The following SPDYE18 variants were observed in gnomAD, a reference collection of about 807,000 sequenced individuals.
SPDYE18 encodes the protein speedy/RINGO cell cycle regulator family member E18.
In SPDYE18, 6 loss-of-function variants were observed where a neutral mutation model predicts 44.9. That is an observed-to-expected ratio of 0.13 (90% CI 0.07 to 0.26). SPDYE18 has a LOEUF of 0.26. Ranked by LOEUF, SPDYE18 falls within the 10% of genes least tolerant of loss-of-function variation. The pLI is 1.00. For missense variants in SPDYE18, 121 were observed against 463.2 expected (o/e 0.26, Z 6.78); for synonymous variants, 35 against 177.1 (o/e 0.20, Z 6.37).
At chr7:77,054,662 G>C (rs1179037031) in intron 6 of SPDYE18, among the ~76,000 whole-genome samples, 1 of 152,202 alleles carries the variant, frequency 6.6e-6, no homozygotes, top group African/African-American at 2.4e-5. Flanking sequence ...TGGAGGAAGC[G>C]GCATGTCCGC....
chr7:77,062,300 A>G (rs1790030977), intron 1 of SPDYE18, among the ~76,000 whole-genome samples, 196 bp downstream of exon 1: 1 of 146,920 alleles, frequency 6.8e-6, no homozygotes, highest in Non-Finnish European at 1.5e-5. Flanking sequence ...ATTCGCATTC[A>G]TGACGCTTTA....
At chr7:77,057,062 TTTTG>T (rs1344171345) in intron 4 of SPDYE18, among the ~76,000 whole-genome samples, 6 of 152,400 alleles carry the variant, frequency 3.9e-5, no homozygotes, top group South Asian at 4.1e-4. Context: ...TGTTTATTGA[TTTTG>T]TTTTTCTTGA....
At chr7:77,059,682 G>C (rs1462099732) in intron 2 of SPDYE18, among the ~76,000 whole-genome samples, 11 of 151,054 alleles carry the variant, frequency 7.3e-5, no homozygotes, top group East Asian at 2.0e-4. Flanking sequence ...CAGAATCTTG[G>C]TTTGTCACCC....
Position 77,060,899 on chromosome 7 carries a change from C to T in SPDYE18, c.-387G>A, listed in dbSNP as rs1386400105. Among the ~76,000 whole-genome samples the T allele has an allele frequency of 6.6e-6, 1 of 151,636 alleles. No homozygotes were observed. Among genetic ancestry groups the T allele is most frequent in the East Asian group, 1.9e-4 (1 of 5,154 alleles). On this transcript the variant is annotated 5_prime_UTR_variant, in exon 2 of 9. Coordinates refer to ENST00000510091, the MANE Select transcript of SPDYE18 (RefSeq NM_001394953.1). The stretch of plus-strand genomic sequence containing the variant: ...CAAAGCCTGAAGCATGTTGGGGTCT[C>T]TTCATCTCTGTACATGCCCATTTCA...
rs1238608469 is a variant in SPDYE18 at position 77,050,659 on chromosome 7, TA to T, written c.*1265del. Among the ~76,000 whole-genome samples, 1 of 152,148 alleles carries T rather than the reference TA, an allele frequency of 6.6e-6. No individual in the cohort carries two copies. The highest frequency in any genetic ancestry group is 1.5e-5 in the Non-Finnish European group (1 of 68,026). ...CTATAAATGTAATATATATGTTAACTAAGTATCACAGATAAAAACCATGCTC... is the reference window on the plus strand; with the variant it reads ...CTATAAATGTAATATATATGTTAACTAGTATCACAGATAAAAACCATGCTC... On this transcript the variant is annotated 3_prime_UTR_variant, in exon 9 of 9. Transcript: ENST00000510091.
chr7:77,056,511 G>A, intron 5 of SPDYE18, 39 bp downstream of exon 5: 2 of 648,458 alleles, frequency 3.1e-6, no homozygotes, highest in Admixed American at 6.2e-5. Context: ...CCCCAGCCAT[G>A]CGTTGGAACA....
In SPDYE18 at chr7:77,060,358, G is replaced by A. The variant is rs532713813; in HGVS notation, c.155C>T (p.Pro52Leu). Residue 52 changes from proline to leucine, a missense_variant, in exon 2 of 9, where the codon CCA (proline) becomes CTA (leucine). Pro to Leu is a moderately conservative substitution (Grantham distance 98, BLOSUM62 -3). Coordinates refer to ENST00000510091, the MANE Select transcript of SPDYE18 (RefSeq NM_001394953.1). ...TCTTCCACCAGTCCCCTCACCTGAT[G>A]GTCCCAACACTTCATCATCCACCAC... ...QEVVDDEVLGPSAPGVDPSPP... is the reference protein window; with the variant it reads ...QEVVDDEVLGLSAPGVDPSPP... 6.5e-7 allele frequency: 1 copy of A among 1,535,396 alleles called. No individual in the cohort carries two copies. Among genetic ancestry groups the A allele is most frequent in the African/African-American group, 1.4e-5 (1 of 73,030 alleles).
chr7:77,057,010 G>C (rs867213197), intron 4 of SPDYE18, among the ~76,000 whole-genome samples: 2,578 of 149,590 alleles, frequency 0.017, 1 homozygote, highest in African/African-American at 0.062. Context: ...AAGTCAGTAA[G>C]AGACTTTAAG....
At position 77,053,096 on chromosome 7, in the gene SPDYE18, C is replaced by G. The variant is rs1307026086; in HGVS notation, c.863G>C (p.Arg288Pro). The G allele has an allele frequency of 6.2e-7, 1 of 1,614,126 alleles. No individual in the cohort carries two copies. The highest frequency in any genetic ancestry group is 1.3e-5 in the African/African-American group (1 of 74,960). The change falls in exon 7 of 9, where the codon CGG becomes CCG. Residue 288 changes from arginine to proline, a missense_variant. Arg to Pro is a moderately radical substitution (Grantham distance 103, BLOSUM62 -2). Transcript: ENST00000510091. ...RSRIPLVRNR[R>P]FQLCRCLNPR... is the part of the protein sequence containing the mutation. ...GTTCAAGCAACGGCATAACTGGAAC[C>G]GACGGTTACGGACCAAGGGTATGCG...
At chr7:77,058,514 T>A in intron 3 of SPDYE18, among the ~76,000 whole-genome samples, 1 of 124,268 alleles carries the variant, frequency 8.0e-6, no homozygotes, top group Non-Finnish European at 1.7e-5. Flanking sequence ...TTTTTTTTTT[T>A]TTTTTTTTTT....
intron 2 of SPDYE18, 36 bp downstream of exon 2, chr7:77,060,317 A>G (rs1790000894): frequency 2.0e-6 from 3 of 1,534,576 alleles, no homozygotes; most frequent in Non-Finnish European, 2.6e-6. Context: ...GTCTTAGTCA[A>G]CCCTATCCCA....
rs1245587623 is a variant in SPDYE18, at chr7:77,050,439, C to G, written c.*1486G>C. 2.0e-5 allele frequency among the ~76,000 whole-genome samples: 3 copies of G among 152,182 alleles called. No individual in the cohort carries two copies. The highest frequency in any genetic ancestry group is 4.4e-5 in the Non-Finnish European group (3 of 68,036). On this transcript the variant is annotated 3_prime_UTR_variant, in exon 9 of 9. Transcript: ENST00000510091. Reference sequence around the variant, plus strand: ...AAAGTTCATTTTTATTATGTTTCCACAAGAGACGCACTCTATTGTTCTCTT... The same window carrying G: ...AAAGTTCATTTTTATTATGTTTCCAGAAGAGACGCACTCTATTGTTCTCTT...
At position 77,051,113 on chromosome 7, in the gene SPDYE18, T is replaced by G. The variant is rs1451006332; in HGVS notation, c.*812A>C. 6.7e-6 allele frequency among the ~76,000 whole-genome samples: 1 copy of G among 149,788 alleles called. No homozygotes were observed. The highest frequency in any genetic ancestry group is 6.6e-5 in the Admixed American group (1 of 15,152). On this transcript the variant is annotated 3_prime_UTR_variant, in exon 9 of 9. Coordinates refer to ENST00000510091, the MANE Select transcript of SPDYE18 (RefSeq NM_001394953.1). ...AAAAATTTCTATCACCAGAATTATG[T>G]TTTTTTCTGGTGGGGAACTACCAAT...
rs563970136 is a variant in SPDYE18 at position 77,051,741 on chromosome 7, G to C, written c.*184C>G. On this transcript the variant is annotated 3_prime_UTR_variant, in exon 9 of 9. Coordinates refer to ENST00000510091, the MANE Select transcript of SPDYE18 (RefSeq NM_001394953.1). ...CTCCCAGGAGGACAACGTGATCACT[G>C]TATTCAGCTCCATCAAGAATGGTCC... Among the ~76,000 whole-genome samples, 2 of 139,792 alleles carry C rather than the reference G, an allele frequency of 1.4e-5. No homozygotes were observed. Among genetic ancestry groups the C allele is most frequent in the East Asian group, 4.1e-4 (2 of 4,858 alleles). 91.7% of individuals were successfully genotyped at this position (139,792 alleles called of 152,430 possible).
At position 77,060,384 on chromosome 7, in the gene SPDYE18, C is replaced by T. The variant is rs1790002024; in HGVS notation, c.129G>A (p.Glu43=). 9.1e-6 allele frequency: 14 copies of T among 1,535,408 alleles called. No individual in the cohort carries two copies. In the South Asian group the frequency reaches 1.4e-4, roughly 16 times the overall value. The part of the protein sequence containing the change: ...QRSTSGYPLQ[E]VVDDEVLGPS... ...GTCCCAACACTTCATCATCCACCAC[C>T]TCCTGGAGGGGGTACCCCGAGGTGC... The change falls in exon 2 of 9, where the codon GAG becomes GAA. Residue 43 remains glutamate, a synonymous_variant. Transcript: ENST00000510091.
intron 3 of SPDYE18, 103 bp downstream of exon 3, chr7:77,059,076 AC>A: frequency 6.5e-7 from 1 of 1,543,424 alleles, no homozygotes; most frequent in Non-Finnish European, 8.7e-7. Context: ...TGGAGAGCTC[AC>A]CCACTGGGGG....
intron 1 of SPDYE18, among the ~76,000 whole-genome samples, chr7:77,062,144 C>T (rs1222066922): frequency 2.8e-5 from 4 of 143,228 alleles, no homozygotes; most frequent in Non-Finnish European, 4.6e-5. Context: ...AAATAACCTG[C>T]GAGTGAGTTC....
Position 77,060,492 on chromosome 7 carries a change from C to A in SPDYE18, c.21G>T (p.Arg7Ser). 6.5e-7 allele frequency: 1 copy of A among 1,535,238 alleles called. No homozygotes were observed. The highest frequency in any genetic ancestry group is 8.7e-7 in the Non-Finnish European group (1 of 1,146,780). The part of the protein sequence containing the change: MDRTKT[R>S]FRKRGQITGK... ...CCGTAATCTGTCCCCTCTTACGGAA[C>A]CTAGTCTTCGTTCTGTCCATGGCCT... The change falls in exon 2 of 9, where the codon AGG (arginine) becomes AGT (serine). Residue 7 changes from arginine to serine, a missense_variant. Coordinates refer to ENST00000510091, the MANE Select transcript of SPDYE18 (RefSeq NM_001394953.1).
rs1322701931 is a variant in SPDYE18 at position 77,051,000 on chromosome 7, G to A, written c.*925C>T. Among the ~76,000 whole-genome samples, 3 of 151,706 alleles carry A rather than the reference G, an allele frequency of 2.0e-5. No individual in the cohort carries two copies. The highest frequency in any genetic ancestry group is 4.4e-5 in the Non-Finnish European group (3 of 67,936). ...AATAAACCAATAAATTAGATAGTAT[G>A]TATTAGACGTGTTAGTATATATATC... On this transcript the variant is annotated 3_prime_UTR_variant, in exon 9 of 9. Coordinates refer to ENST00000510091, the MANE Select transcript of SPDYE18 (RefSeq NM_001394953.1).
Sources: gnomAD v4.1 joint callset for allele counts (sites outside exome capture counted in the v4.1 genomes callset) on GRCh38, gnomAD v4.1.1 for gene constraint, MANE v1.5 for transcripts, NCBI Gene and HGNC (gene_info 2026-07-23, HGNC 2026-07-21) for gene names.